CLIC5: variants seen among roughly 807,000 people sequenced by gnomAD.
CLIC5 encodes CLIC family member 5.
In CLIC5, 20 loss-of-function variants were observed where a neutral mutation model predicts 24.7. The observed-to-expected ratio is 0.81, with a 90% confidence interval of 0.57 to 1.18. The LOEUF (loss-of-function observed/expected upper bound fraction) is 1.18. CLIC5 is among the 50% of genes most tolerant of loss of function. The pLI is 0.00. For missense variants in CLIC5, 341 were observed against 326.1 expected (o/e 1.05, Z -0.35); for synonymous variants, 159 against 135.6 (o/e 1.17, Z -1.20).
chr6:45,915,703 AATTT>A (rs1763004298), intron 4 of CLIC5, among the ~76,000 whole-genome samples: 1 of 152,222 alleles, frequency 6.6e-6, no homozygotes, highest in African/African-American at 2.4e-5. Flanking sequence ...TCTGTCACAT[AATTT>A]ATTTAGACAC....
At chr6:45,885,829 A>G (rs934428101) in intron 6 of CLIC5, among the ~76,000 whole-genome samples, 3 of 152,164 alleles carry the variant, frequency 2.0e-5, no homozygotes, top group African/African-American at 7.2e-5. Flanking sequence ...AGAAACAGTA[A>G]ATGTGATTCC....
chr6:45,910,436 C>G (rs1193887682), intron 5 of CLIC5, among the ~76,000 whole-genome samples: 1 of 152,152 alleles, frequency 6.6e-6, no homozygotes, highest in Admixed American at 6.5e-5. Context: ...ACAAGGTTCT[C>G]TAGTGTCAAG....
At chr6:46,077,382 A>T (rs1440581542) in intron 1 of CLIC5, among the ~76,000 whole-genome samples, 1 of 152,010 alleles carries the variant, frequency 6.6e-6, no homozygotes, top group Admixed American at 6.6e-5. Flanking sequence ...GGAGAAGAAC[A>T]TCCAGAACTG....
intron 5 of CLIC5, chr6:45,912,799 G>A (rs1376938294): frequency 6.7e-6 from 8 of 1,190,328 alleles, no homozygotes; most frequent in Non-Finnish European, 9.6e-6. Flanking sequence ...TAACTTCAAA[G>A]AGACATAGAT....
In CLIC5 at chr6:46,009,370, G is replaced by A. The variant is rs141376367; in HGVS notation, c.63+6110C>T. Among the ~76,000 whole-genome samples the A allele has an allele frequency of 2.2e-3, 333 of 152,220 alleles. 5 individuals are homozygous for A. Among genetic ancestry groups the A allele is most frequent in the African/African-American group, 6.9e-3 (288 of 41,526 alleles). On this transcript the variant is annotated intron_variant, in intron 1 of 5. Coordinates refer to ENST00000339561, the MANE Select transcript of CLIC5 (RefSeq NM_016929.5). ...AAGAAAAGACACGTTTCCAAAGCAGGTTGTCATTTAGCGAACTGGAAGAGA... is the reference window on the plus strand; with the variant it reads ...AAGAAAAGACACGTTTCCAAAGCAGATTGTCATTTAGCGAACTGGAAGAGA...
intron 1 of CLIC5, among the ~76,000 whole-genome samples, chr6:46,010,168 G>C (rs1305851093): frequency 2.0e-5 from 3 of 152,200 alleles, no homozygotes; most frequent in Non-Finnish European, 4.4e-5. Flanking sequence ...TCTTGGTTCT[G>C]AGATGTGAGA....
chr6:45,951,783 C>G (rs887298378), intron 2 of CLIC5, among the ~76,000 whole-genome samples: 2 of 151,936 alleles, frequency 1.3e-5, no homozygotes, highest in African/African-American at 4.8e-5. Flanking sequence ...AAAAAGTAAA[C>G]AGTGGGAGTA....
chr6:45,881,248 C>T (rs1301601534), intron 6 of CLIC5: 1 of 397,778 alleles, frequency 2.5e-6, no homozygotes, highest in Non-Finnish European at 4.4e-6. Flanking sequence ...CAAGAGGTTA[C>T]ATATGGAGCC....
intron 1 of CLIC5, among the ~76,000 whole-genome samples, chr6:45,999,111 C>T (rs931220082): frequency 5.3e-5 from 8 of 152,152 alleles, no homozygotes; most frequent in African/African-American, 1.9e-4. Context: ...TGGGACCTCA[C>T]ACAGTGAGGT....
intron 1 of CLIC5, among the ~76,000 whole-genome samples, chr6:45,982,182 T>A (rs1374476688): frequency 6.6e-6 from 1 of 151,988 alleles, no homozygotes; most frequent in African/African-American, 2.4e-5. Flanking sequence ...TTTGGAAAGG[T>A]GAACAAACCT....
chr6:45,882,046 G>T (rs1762267554), intron 6 of CLIC5, among the ~76,000 whole-genome samples: 1 of 152,108 alleles, frequency 6.6e-6, no homozygotes, highest in Non-Finnish European at 1.5e-5. Context: ...AGCCAGGCAG[G>T]GCTCATTGGA....
intron 1 of CLIC5, among the ~76,000 whole-genome samples, chr6:46,030,256 C>T (rs1378788505): frequency 1.3e-5 from 2 of 152,142 alleles, no homozygotes; most frequent in Admixed American, 6.5e-5. Flanking sequence ...GTCATAGATC[C>T]TATCACTAAA....
upstream of CLIC5, chr6:46,018,916 A>T (rs1009559326): frequency 6.6e-6 from 1 of 152,214 alleles, no homozygotes; most frequent in African/African-American, 2.4e-5. Context: ...TAGATTCAAT[A>T]ATATGACCAC....
In CLIC5 at chr6:45,900,792, A is replaced by G. The variant is rs1762491309; in HGVS notation, c.*2296T>C. ...TTAATATATTTATCTCTGTAAAACT[A>G]GCTCAACCACAGAAGGGACATCTAG... On this transcript the variant is annotated 3_prime_UTR_variant, in exon 6 of 6. Transcript: ENST00000339561. 1 of 152,198 alleles carries G rather than the reference A, an allele frequency of 6.6e-6. No individual in the cohort carries two copies. The highest frequency in any genetic ancestry group is 2.4e-5 in the African/African-American group (1 of 41,446). 9.4% of individuals were successfully genotyped at this position (152,198 alleles called of 1,614,324 possible). A position where few individuals can be genotyped will look rare whatever the true frequency, so the allele number is the denominator to read the frequency against.
At chr6:46,079,829 A>C in exon 1 of CLIC5, 1 of 1,552,228 alleles carries the variant, frequency 6.4e-7, no homozygotes, top group South Asian at 1.2e-5. Flanking sequence ...TGAAGCTTGA[A>C]GGAGAAGGCA....
rs201220839 is a variant in CLIC5, at chr6:45,924,062, C to T, written c.407-9653G>A. Among the ~76,000 whole-genome samples, 413 of 152,246 alleles carry T rather than the reference C, an allele frequency of 2.7e-3. 2 individuals carry two copies. The highest frequency in any genetic ancestry group is 9.6e-3 in the African/African-American group (400 of 41,534). ...TTATGTACAATGTGTATGTGCAACG[C>T]ATGATGATGCTGATGTATGAGAAAC... On this transcript the variant is annotated intron_variant, in intron 4 of 5. Coordinates refer to ENST00000339561, the MANE Select transcript of CLIC5 (RefSeq NM_016929.5).
intron 1 of CLIC5, among the ~76,000 whole-genome samples, chr6:45,997,512 GAA>G (rs201284615): frequency 0.26 from 33,952 of 130,142 alleles, 4,111 homozygotes; most frequent in East Asian, 0.52. Flanking sequence ...AATAATAAAA[GAA>G]AAAAAAAAAA....
At chr6:46,128,551 T>C in the CLIC5 span, among the ~76,000 whole-genome samples, 1 of 152,244 alleles carries the variant, frequency 6.6e-6, no homozygotes, top group African/African-American at 2.4e-5. Context: ...CAAAACAACA[T>C]GTGTCAGATA....
chr6:45,906,582 G>A (rs1408727756), intron 5 of CLIC5, among the ~76,000 whole-genome samples: 6 of 141,836 alleles, frequency 4.2e-5, no homozygotes, highest in African/African-American at 1.6e-4. Flanking sequence ...TTTTTTTTGA[G>A]ATGGAGTTTC....
Sources: allele counts gnomAD v4.1 joint callset (sites outside exome capture counted in the v4.1 genomes callset), GRCh38; gene constraint gnomAD v4.1.1; transcripts MANE v1.5; gene names NCBI Gene and HGNC (gene_info 2026-07-23, HGNC 2026-07-21).